The following BRWD1 variants were observed in gnomAD, a reference collection of about 807,000 sequenced individuals.
BRWD1 encodes bromodomain and WD repeat domain containing 1, also known as bromodomain and WD repeat-containing protein 1.
In BRWD1, 82 loss-of-function variants were observed where a neutral mutation model predicts 251.2. The observed-to-expected ratio is 0.33, with a 90% CI of 0.27 to 0.39. The LOEUF (loss-of-function observed/expected upper bound fraction) is 0.39, where lower values mean the gene tolerates loss of function less well. Ranked by LOEUF, BRWD1 falls within the 10% of genes least tolerant of loss-of-function variation. The probability of loss-of-function intolerance (pLI) is 1.00; values close to 1 mark genes in which losing one functional copy is unlikely to be tolerated. For synonymous variants in BRWD1, 918 were observed against 902.8 expected (o/e 1.02, Z -0.30); for missense variants, 2,233 against 2,711.6 (o/e 0.82, Z 3.92).
At chr21:39,223,186 T>G (rs1349434556) in intron 29 of BRWD1, among the ~76,000 whole-genome samples, 1 of 152,212 alleles carries the variant, frequency 6.6e-6, no homozygotes, top group African/African-American at 2.4e-5. Context: ...AATAATTTCC[T>G]GATTTTGATC....
Position 39,193,962 on chromosome 21 carries a change from TCA to T in BRWD1, c.*2295_*2296del. 1 of 985,622 alleles carries T rather than the reference TCA, an allele frequency of 1.0e-6. No individual in the cohort carries two copies. Among genetic ancestry groups the T allele is most frequent in the Non-Finnish European group, 1.2e-6 (1 of 829,734 alleles). 61.1% of individuals were successfully genotyped at this position (985,622 alleles called of 1,614,324 possible). On this transcript the variant is annotated 3_prime_UTR_variant, in exon 41 of 41. Coordinates refer to ENST00000342449, the MANE Select transcript of BRWD1 (RefSeq NM_033656.4). Reference sequence around the variant, plus strand: ...TAAAAATTATTTTCTCCATTATCTCTCAGTTTTATTTCATAACTTGAGAAGCT... The same window carrying T: ...TAAAAATTATTTTCTCCATTATCTCTGTTTTATTTCATAACTTGAGAAGCT...
chr21:39,305,217 C>T lies in BRWD1; in HGVS notation c.199-6635G>A, dbSNP rs111935852. On this transcript the variant is annotated intron_variant, in intron 4 of 40. Coordinates refer to ENST00000342449, the MANE Select transcript of BRWD1 (RefSeq NM_033656.4). ...CAAGTGATCTGCCCGCCTTGGCCCC[C>T]TAAAGTGTTGGGATTACATGCGTGA... Among the ~76,000 whole-genome samples the T allele has an allele frequency of 3.1e-3, 466 of 152,194 alleles. 2 individuals are homozygous for T. Among genetic ancestry groups the T allele is most frequent in the African/African-American group, 0.011 (442 of 41,540 alleles).
chr21:39,271,575 T>C (rs757618426), intron 13 of BRWD1, among the ~76,000 whole-genome samples: 18 of 150,612 alleles, frequency 1.2e-4, no homozygotes, highest in African/African-American at 4.4e-4. Flanking sequence ...TGGGCACCTG[T>C]AGTCCCTACT....
chr21:39,234,532 T>C (rs951620475), intron 23 of BRWD1, among the ~76,000 whole-genome samples: 1 of 152,206 alleles, frequency 6.6e-6, no homozygotes, highest in Admixed American at 6.5e-5. Flanking sequence ...TAAAACTTTA[T>C]TTTTACTTAA....
intron 8 of BRWD1, among the ~76,000 whole-genome samples, chr21:39,281,890 ATATG>A (rs10566010): frequency 0.61 from 88,178 of 145,082 alleles, 26,279 homozygotes; most frequent in Admixed American, 0.67. Flanking sequence ...ATATATATAT[ATATG>A]TATGTATGTA....
Position 39,193,674 on chromosome 21 carries a change from G to C in BRWD1, c.*2585C>G. On this transcript the variant is annotated 3_prime_UTR_variant, in exon 41 of 41. Transcript: ENST00000342449. The stretch of plus-strand genomic sequence containing the variant: ...GTGGAAAGGTACAGCACTTATTTCT[G>C]GATCAGTTCACATTCAAATTATAAC... 1.0e-6 allele frequency: 1 copy of C among 985,300 alleles called. No individual in the cohort carries two copies. The allele number at this position is 985,300 out of a possible 1,614,324, so 61.0% of individuals were successfully genotyped here.
chr21:39,241,067 ATT>A (rs767748242), intron 21 of BRWD1, among the ~76,000 whole-genome samples: 7 of 141,808 alleles, frequency 4.9e-5, no homozygotes, highest in Admixed American at 7.1e-5. Context: ...CGCCCAGCTA[ATT>A]TTTTTTTTTT....
chr21:39,304,997 T>C (rs1372813035), intron 4 of BRWD1, among the ~76,000 whole-genome samples: 1 of 149,302 alleles, frequency 6.7e-6, no homozygotes, highest in Non-Finnish European at 1.5e-5. Flanking sequence ...TCTTGCTCTG[T>C]CGCCCAGGCT....
At chr21:39,225,352 G>C (rs1415270762) in intron 27 of BRWD1, among the ~76,000 whole-genome samples, 155 bp from the exon 28 acceptor site, 2 of 151,886 alleles carry the variant, frequency 1.3e-5, no homozygotes, top group Non-Finnish European at 2.9e-5. Context: ...GAAAAATATG[G>C]CATAAAAAAT....
chr21:39,253,013 G>T (rs1472040593), intron 19 of BRWD1, among the ~76,000 whole-genome samples: 2 of 152,160 alleles, frequency 1.3e-5, no homozygotes, highest in Non-Finnish European at 2.9e-5. Flanking sequence ...GCCAAGGCTG[G>T]ATGCGGTGGC....
chr21:39,220,700 G>A (rs896008838), intron 29 of BRWD1, among the ~76,000 whole-genome samples: 7 of 152,088 alleles, frequency 4.6e-5, no homozygotes, highest in Admixed American at 2.6e-4. Flanking sequence ...ATTATATTAC[G>A]CATGTTCATT....
At chr21:39,202,987 T>TA (rs893362056) in intron 37 of BRWD1, among the ~76,000 whole-genome samples, 2 of 152,098 alleles carry the variant, frequency 1.3e-5, no homozygotes, top group Non-Finnish European at 2.9e-5. Flanking sequence ...CAGGAAAAGT[T>TA]AAAAAAAGGC....
chr21:39,221,374 T>C (rs1409031348), intron 29 of BRWD1, among the ~76,000 whole-genome samples: 1 of 151,970 alleles, frequency 6.6e-6, no homozygotes, highest in African/African-American at 2.4e-5. Flanking sequence ...TAATATTTCA[T>C]AAAACAAAGC....
chr21:39,228,734 G>A, intron 26 of BRWD1, 152 bp from the exon 27 acceptor site: 1 of 534,688 alleles, frequency 1.9e-6, no homozygotes, highest in South Asian at 3.1e-5. Context: ...AAACTTCATA[G>A]CATATTTTAA....
rs201011567 is a variant in BRWD1, at chr21:39,196,703, T to C, written c.6366A>G (p.Ala2122=). The C allele has an allele frequency of 3.1e-6, 5 of 1,613,962 alleles. No homozygotes were observed. Among genetic ancestry groups the C allele is most frequent in the Non-Finnish European group, 4.2e-6 (5 of 1,179,894 alleles). Residue 2122 remains alanine, a synonymous_variant, in exon 41 of 41, where the codon GCA becomes GCG. Coordinates refer to ENST00000342449, the MANE Select transcript of BRWD1 (RefSeq NM_033656.4). ...ATCTCTTCCTTTTTACTTCCTTCTC[T>C]GCTGTTTCCTGTGAATCATGAATCA... is the stretch of plus-strand genomic sequence containing the variant. ...TKVIHDSQET[A]EKEVKRKRSH... is the part of the protein sequence containing the mutation.
At chr21:39,248,489 T>G (rs1204091668) in intron 20 of BRWD1, among the ~76,000 whole-genome samples, 1 of 150,354 alleles carries the variant, frequency 6.7e-6, no homozygotes, top group Admixed American at 6.6e-5. Flanking sequence ...AAACGAAAAA[T>G]TAGCTGGGCA....
rs1265840665 is a variant in BRWD1 at position 39,193,870 on chromosome 21, C to T, written c.*2389G>A. 8.1e-6 allele frequency: 8 copies of T among 985,198 alleles called. No homozygotes were observed. The highest frequency in any genetic ancestry group is 5.2e-4 in the Middle Eastern group (1 of 1,936). 61.0% of individuals were successfully genotyped at this position (985,198 alleles called of 1,614,324 possible). A position where few individuals can be genotyped will look rare whatever the true frequency, so the allele number is the denominator to read the frequency against. On this transcript the variant is annotated 3_prime_UTR_variant, in exon 41 of 41. Transcript: ENST00000342449. ...GATTTATTAATTTTCCTTAAAGGTA[C>T]TTAGGAGTGTGTGTGTCACATATTC...
chr21:39,201,592 A>G (rs1353047814), intron 38 of BRWD1, among the ~76,000 whole-genome samples: 1 of 152,142 alleles, frequency 6.6e-6, no homozygotes, highest in East Asian at 1.9e-4. Context: ...TAATGTGTCC[A>G]CTTATCACTA....
At chr21:39,235,413 G>GT (rs1367950058) in intron 23 of BRWD1, 1 of 152,842 alleles carries the variant, frequency 6.5e-6, no homozygotes, top group Non-Finnish European at 1.5e-5. Flanking sequence ...TCTCTTCTGT[G>GT]TAAGTATGTA....
Sources: allele counts gnomAD v4.1 joint callset (sites outside exome capture counted in the v4.1 genomes callset), GRCh38; gene constraint gnomAD v4.1.1; transcripts MANE v1.5; gene names NCBI Gene and HGNC (gene_info 2026-07-23, HGNC 2026-07-21).